MACROD2: variants seen among roughly 807,000 people sequenced by gnomAD.
MACROD2 encodes the protein mono-ADP ribosylhydrolase 2.
Under a neutral mutation model 70.4 loss-of-function variants are expected in MACROD2, and 36 were observed. The observed-to-expected ratio is 0.51, with a 90% CI of 0.39 to 0.68. The LOEUF (loss-of-function observed/expected upper bound fraction) is 0.68, where lower values mean the gene tolerates loss of function less well. Among genes scored for constraint, MACROD2 ranks in the 30% least tolerant of loss-of-function variants. The pLI is 0.00. For missense variants in MACROD2, 496 were observed against 538.4 expected (o/e 0.92, Z 0.78); for synonymous variants, 172 against 178.8 (o/e 0.96, Z 0.30).
intron 8 of MACROD2, among the ~76,000 whole-genome samples, chr20:15,805,496 G>A (rs1386291420): frequency 6.7e-6 from 1 of 149,424 alleles, no homozygotes; most frequent in East Asian, 2.0e-4. Context: ...TTTTTTTTGA[G>A]ATGGAGTTTC....
At chr20:15,142,135 A>G (rs930743184) in intron 5 of MACROD2, among the ~76,000 whole-genome samples, 1 of 152,224 alleles carries the variant, frequency 6.6e-6, no homozygotes, top group Non-Finnish European at 1.5e-5. Flanking sequence ...AAACTCCTAG[A>G]AGGCAGAAGA....
chr20:14,245,233 G>A (rs925238083), intron 3 of MACROD2, among the ~76,000 whole-genome samples: 7 of 151,874 alleles, frequency 4.6e-5, no homozygotes, highest in African/African-American at 1.7e-4. Context: ...CGTGGTGGCG[G>A]GCACCTGTAG....
At chr20:14,578,805 C>T (rs1980789258) in intron 4 of MACROD2, among the ~76,000 whole-genome samples, 1 of 152,174 alleles carries the variant, frequency 6.6e-6, no homozygotes, top group Non-Finnish European at 1.5e-5. Flanking sequence ...AGATAATTCA[C>T]TGTAGATGGA....
chr20:15,762,991 C>G (rs1311612417), intron 8 of MACROD2, among the ~76,000 whole-genome samples: 1 of 152,164 alleles, frequency 6.6e-6, no homozygotes, highest in Non-Finnish European at 1.5e-5. Context: ...TCATTAACAA[C>G]AACGGTAAGG....
chr20:14,038,112 G>A (rs1410496956), intron 2 of MACROD2, among the ~76,000 whole-genome samples: 1 of 152,104 alleles, frequency 6.6e-6, no homozygotes. Context: ...TGGCCAATAT[G>A]GTGAAACCCC....
rs184946018 is a variant in MACROD2, at chr20:15,228,089, T to A, written c.419-1851T>A. On this transcript the variant is annotated intron_variant, in intron 5 of 17. Coordinates refer to ENST00000684519, the MANE Select transcript of MACROD2 (RefSeq NM_001351661.2). ...TATTAAAGAAACTAAAGTACAATAT[T>A]CATATAAATATTTACTATGGTACAG... Among the ~76,000 whole-genome samples, 51 of 152,218 alleles carry A rather than the reference T, an allele frequency of 3.4e-4. No homozygotes were observed. The East Asian group carries it at 7.5e-3, about 22-fold the overall frequency.
At chr20:14,494,936 A>G (rs2084837093) in intron 4 of MACROD2, among the ~76,000 whole-genome samples, 1 of 152,126 alleles carries the variant, frequency 6.6e-6, no homozygotes, top group Admixed American at 6.6e-5. Flanking sequence ...TACAAGATAT[A>G]TTAGTATTTT....
intron 4 of MACROD2, among the ~76,000 whole-genome samples, chr20:14,559,965 A>G (rs562243200): frequency 2.0e-4 from 30 of 151,720 alleles, no homozygotes; most frequent in South Asian, 4.1e-4. Flanking sequence ...TCTTTTCTCT[A>G]TCTATTCACA....
chr20:14,107,309 A>T (rs888369159), intron 3 of MACROD2, among the ~76,000 whole-genome samples: 2 of 152,194 alleles, frequency 1.3e-5, no homozygotes, highest in Non-Finnish European at 2.9e-5. Flanking sequence ...CAGAAGAAAG[A>T]ATTAATGAGC....
At chr20:15,080,246 T>C (rs1316011830) in intron 5 of MACROD2, among the ~76,000 whole-genome samples, 1 of 152,148 alleles carries the variant, frequency 6.6e-6, no homozygotes, top group African/African-American at 2.4e-5. Flanking sequence ...TTGTGATCTC[T>C]CCACTTCCTC....
intron 8 of MACROD2, among the ~76,000 whole-genome samples, chr20:15,626,526 G>A (rs921538943): frequency 6.6e-6 from 1 of 152,172 alleles, no homozygotes; most frequent in South Asian, 2.1e-4. Flanking sequence ...TTAGGCTAGA[G>A]CTAAAAGGTT....
intron 7 of MACROD2, among the ~76,000 whole-genome samples, chr20:15,447,021 G>A (rs1189280218): frequency 6.6e-6 from 1 of 151,084 alleles, no homozygotes; most frequent in Non-Finnish European, 1.5e-5. Flanking sequence ...CATGTTAAAG[G>A]CAGTGGCAGT....
At chr20:14,845,212 G>T (rs2073127465) in intron 5 of MACROD2, among the ~76,000 whole-genome samples, 1 of 152,028 alleles carries the variant, frequency 6.6e-6, no homozygotes, top group Non-Finnish European at 1.5e-5. Context: ...CTGCTAGTTT[G>T]TAAGTTCTTT....
At chr20:14,967,818 G>C (rs2074652693) in intron 5 of MACROD2, among the ~76,000 whole-genome samples, 1 of 151,842 alleles carries the variant, frequency 6.6e-6, no homozygotes, top group African/African-American at 2.4e-5. Flanking sequence ...AATGACTCAG[G>C]GTCCTCATTT....
intron 6 of MACROD2, among the ~76,000 whole-genome samples, chr20:15,272,011 A>G (rs2077350343): frequency 6.6e-6 from 1 of 152,248 alleles, no homozygotes; most frequent in African/African-American, 2.4e-5. Context: ...TTATATTTTT[A>G]GAGAAAAATG....
chr20:14,806,543 A>G (rs2122157918), intron 5 of MACROD2, among the ~76,000 whole-genome samples: 1 of 151,998 alleles, frequency 6.6e-6, no homozygotes, highest in South Asian at 2.1e-4. Context: ...TAGCTGCAGG[A>G]ATTTTCTTTT....
At chr20:15,780,106 A>T (rs2051805152) in intron 8 of MACROD2, among the ~76,000 whole-genome samples, 1 of 152,150 alleles carries the variant, frequency 6.6e-6, no homozygotes, top group East Asian at 1.9e-4. Flanking sequence ...TTGAGAACTG[A>T]TACTTAAATT....
intron 2 of MACROD2, among the ~76,000 whole-genome samples, chr20:14,035,452 A>G (rs1240493582): frequency 6.6e-6 from 1 of 152,234 alleles, no homozygotes; most frequent in Non-Finnish European, 1.5e-5. Flanking sequence ...CAAACAGTGT[A>G]TTCTCAACTC....
At chr20:15,985,615 G>A (rs1368962147) in intron 13 of MACROD2, among the ~76,000 whole-genome samples, 1 of 152,210 alleles carries the variant, frequency 6.6e-6, no homozygotes. Flanking sequence ...TTCCACTGGG[G>A]CAATTTCCTA....
Sources: gnomAD v4.1 joint callset for allele counts (sites outside exome capture counted in the v4.1 genomes callset) on GRCh38, gnomAD v4.1.1 for gene constraint, MANE v1.5 for transcripts, NCBI Gene and HGNC (gene_info 2026-07-23, HGNC 2026-07-21) for gene names.